Variants in EPAS1 observed in about 807,000 individuals in gnomAD.
EPAS1 encodes endothelial PAS domain-containing protein 1.
EPAS1 carries 23 observed loss-of-function variants against 87.9 expected under a neutral mutation model. The ratio of observed to expected loss-of-function variants is 0.26; its 90% CI spans 0.19 to 0.37. The LOEUF is 0.37. Ranked by LOEUF, EPAS1 falls within the 10% of genes least tolerant of loss-of-function variation. EPAS1 has a pLI of 1.00. For synonymous variants in EPAS1, 508 were observed against 444.3 expected, an observed-to-expected ratio of 1.14 and a Z score of -1.80; for missense variants, 1,138 against 1,120.7, an observed-to-expected ratio of 1.02 and a Z score of -0.22.
chr2:46,360,712 A>C lies in EPAS1; in HGVS notation c.529A>C (p.Thr177Pro). 6.2e-7 allele frequency: 1 copy of C among 1,614,060 alleles called. No homozygotes were observed. Among genetic ancestry groups the C allele is most frequent in the Non-Finnish European group, 8.5e-7 (1 of 1,180,026 alleles). Residue 177 changes from threonine (T) to proline (P), a missense_variant, in exon 5 of 16, where the codon ACC becomes CCC. By Grantham distance (38) the Thr-to-Pro change is conservative (BLOSUM62 -1). Transcript: ENST00000263734. This position sits in a 1 kb window ranked among gnomAD's most constrained non-coding sequence, Gnocchi z 4.5. ...DFFMRMKCTVTNRGRTVNLKS... is the reference protein window; with the variant it reads ...DFFMRMKCTVPNRGRTVNLKS... ...CTTCATGAGGATGAAGTGCACGGTC[A>C]CCAACAGAGGCCGTACTGTCAACCT...
At chr2:46,337,014 C>G (rs1217943700) in intron 1 of EPAS1, among the ~76,000 whole-genome samples, 1 of 152,218 alleles carries the variant, frequency 6.6e-6, no homozygotes, top group African/African-American at 2.4e-5. Flanking sequence ...TGGAAACCGT[C>G]TATTCTAATT....
chr2:46,385,819 G>A lies in EPAS1; in HGVS notation c.*1159G>A, dbSNP rs1405955606. The A allele has an allele frequency of 2.0e-5, 3 of 152,226 alleles. No individual in the cohort carries two copies. The highest frequency in any genetic ancestry group is 4.4e-5 in the Non-Finnish European group (3 of 68,050). The allele number at this position is 152,226 out of a possible 1,614,324, so 9.4% of individuals were successfully genotyped here. A position where few individuals can be genotyped will look rare whatever the true frequency, so the allele number is the denominator to read the frequency against. ...TAGCCCTTCAAGTGCACTGAGCTAT[G>A]TGACTCGGATGGTCTTTCACACGGC... is the stretch of plus-strand genomic sequence containing the variant. On this transcript the variant is annotated 3_prime_UTR_variant, in exon 16 of 16. Transcript: ENST00000263734.
At chr2:46,340,203 A>C (rs888661629) in intron 1 of EPAS1, among the ~76,000 whole-genome samples, 1 of 151,972 alleles carries the variant, frequency 6.6e-6, no homozygotes, top group African/African-American at 2.4e-5. Context: ...GCTCTTTTCT[A>C]CAAGGCTGCC....
In EPAS1 at chr2:46,347,347, G is replaced by A. The variant is rs1414670953; in HGVS notation, c.217+284G>A. On this transcript the variant is annotated intron_variant, in intron 2 of 15. Transcript: ENST00000263734. This position sits in a 1 kb window ranked among gnomAD's most constrained non-coding sequence, Gnocchi z 4.2. ...AACACGGGCTGGGAGAACCAAGGAC[G>A]GCTTTTGCTGACTTCTCAATTTGTT... The A allele has an allele frequency of 1.6e-5, 8 of 504,470 alleles. No individual in the cohort carries two copies. Among genetic ancestry groups the A allele is most frequent in the Admixed American group, 6.5e-5 (2 of 30,872 alleles). The allele number at this position is 504,470 out of a possible 1,614,324, so 31.2% of individuals were successfully genotyped here.
At chr2:46,341,899 C>T (rs1683920526) in intron 1 of EPAS1, among the ~76,000 whole-genome samples, 1 of 152,152 alleles carries the variant, frequency 6.6e-6, no homozygotes, top group Admixed American at 6.5e-5. Flanking sequence ...AATATGTTTC[C>T]TTTTCATCCT....
intron 1 of EPAS1, among the ~76,000 whole-genome samples, chr2:46,325,828 T>A (rs1683551014): frequency 6.6e-6 from 1 of 152,162 alleles, no homozygotes; most frequent in African/African-American, 2.4e-5. Context: ...GGGCTTTTTG[T>A]TTTTAAAACA....
intron 1 of EPAS1, among the ~76,000 whole-genome samples, chr2:46,316,250 G>A (rs1465612534): frequency 1.3e-5 from 2 of 151,576 alleles, no homozygotes; most frequent in Non-Finnish European, 2.9e-5. Context: ...AAAAAACAAT[G>A]TACATACCCT....
intron 6 of EPAS1, 148 bp from the exon 7 acceptor site, chr2:46,369,679 C>T: frequency 1.5e-6 from 1 of 685,776 alleles, no homozygotes; most frequent in Non-Finnish European, 2.7e-6. Context: ...TGTTCTTTTG[C>T]TTGGATACAT....
intron 6 of EPAS1, among the ~76,000 whole-genome samples, chr2:46,369,402 C>T (rs1684575623): frequency 6.6e-6 from 1 of 152,250 alleles, no homozygotes; most frequent in South Asian, 2.1e-4. Context: ...AACTGGAGGC[C>T]CCAGTTTTCA....
At position 46,375,194 on chromosome 2, in the gene EPAS1, A is replaced by AC. The variant is rs1373740861; in HGVS notation, c.887-496_887-495insC. Among the ~76,000 whole-genome samples, 2 of 151,466 alleles carry AC rather than the reference A, an allele frequency of 1.3e-5. No homozygotes were observed. Among genetic ancestry groups the AC allele is most frequent in the East Asian group, 1.9e-4 (1 of 5,184 alleles). Reference sequence around the variant, plus strand: ...GGGTCTGCTGAAAAAAAAAAACAAAAAAAAACAAAAAAAACTGCCCTGAGG... The same window carrying AC: ...GGGTCTGCTGAAAAAAAAAAACAAAACAAAAACAAAAAAAACTGCCCTGAGG... On this transcript the variant is annotated intron_variant, in intron 7 of 15. Transcript: ENST00000263734. This position sits in a 1 kb window ranked among gnomAD's most constrained non-coding sequence, Gnocchi z 4.1.
chr2:46,319,934 T>A (rs1683420015), intron 1 of EPAS1, among the ~76,000 whole-genome samples: 1 of 152,180 alleles, frequency 6.6e-6, no homozygotes, highest in Admixed American at 6.5e-5. Context: ...ATTTAAGAGT[T>A]CCCAGGCATC....
chr2:46,320,121 G>A (rs1330115438), intron 1 of EPAS1, among the ~76,000 whole-genome samples: 1 of 152,186 alleles, frequency 6.6e-6, no homozygotes, highest in Non-Finnish European at 1.5e-5. Flanking sequence ...TTACTGGCCA[G>A]ACTCTTATTA....
intron 2 of EPAS1, among the ~76,000 whole-genome samples, chr2:46,353,336 C>G (rs539260840): frequency 1.4e-4 from 22 of 152,316 alleles, no homozygotes; most frequent in African/African-American, 4.1e-4. Flanking sequence ...AAAACAGATT[C>G]TCAGTTCTAC....
intron 1 of EPAS1, among the ~76,000 whole-genome samples, chr2:46,306,678 C>T (rs554797296): frequency 2.0e-5 from 3 of 152,086 alleles, no homozygotes; most frequent in African/African-American, 2.4e-5. Context: ...CATAAAAACT[C>T]GGTTACTTGG....
At chr2:46,338,427 A>T (rs1437800437) in intron 1 of EPAS1, among the ~76,000 whole-genome samples, 2 of 152,198 alleles carry the variant, frequency 1.3e-5, no homozygotes, top group East Asian at 3.9e-4. Context: ...GCAGTGGCAG[A>T]CATCAGAGGC....
chr2:46,382,649 G>C, intron 15 of EPAS1, 51 bp downstream of exon 15: 1 of 1,608,340 alleles, frequency 6.2e-7, no homozygotes, highest in Non-Finnish European at 8.5e-7. Context: ...GATGCCAGGG[G>C]AAGCCCACGT....
chr2:46,360,766 C>T lies in EPAS1; in HGVS notation c.573+10C>T, dbSNP rs1227933272. 1 of 1,613,862 alleles carries T rather than the reference C, an allele frequency of 6.2e-7. No individual in the cohort carries two copies. Among genetic ancestry groups the T allele is most frequent in the South Asian group, 1.1e-5 (1 of 91,082 alleles). ...GTCAGCCACCTGGAAGGTAGGGCAACATCAGGCCTGGGTTGGAGTCCCAGG... is the reference window on the plus strand; with the variant it reads ...GTCAGCCACCTGGAAGGTAGGGCAATATCAGGCCTGGGTTGGAGTCCCAGG... On this transcript the variant is annotated intron_variant, in intron 5 of 15. Transcript: ENST00000263734. The surrounding 1 kb of genome is among the most constrained non-coding windows in gnomAD (Gnocchi z 4.5).
chr2:46,324,699 G>C (rs1375052734), intron 1 of EPAS1, among the ~76,000 whole-genome samples: 2 of 152,204 alleles, frequency 1.3e-5, no homozygotes, highest in African/African-American at 4.8e-5. Context: ...TTCCGTACAA[G>C]TTTTCAAGGC....
chr2:46,337,029 G>T (rs1046344225), intron 1 of EPAS1, among the ~76,000 whole-genome samples: 1 of 152,242 alleles, frequency 6.6e-6, no homozygotes, highest in Non-Finnish European at 1.5e-5. Context: ...CTAATTAAGA[G>T]CCGGGTTAGA....
Sources: allele counts gnomAD v4.1 joint callset (sites outside exome capture counted in the v4.1 genomes callset), GRCh38; gene constraint gnomAD v4.1.1; non-coding constraint Gnocchi (gnomAD v3.1); transcripts MANE v1.5; gene names NCBI Gene and HGNC (gene_info 2026-07-23, HGNC 2026-07-21).